Variants in ZBTB16 observed in about 807,000 individuals in gnomAD.
ZBTB16 encodes zinc finger and BTB domain containing 16, also known as zinc finger and BTB domain-containing protein 16.
In ZBTB16, 8 loss-of-function variants were observed where a neutral mutation model predicts 56.8. The ratio of observed to expected loss-of-function variants is 0.14; its 90% CI spans 0.08 to 0.25. The LOEUF (loss-of-function observed/expected upper bound fraction) is 0.25, where lower values mean the gene tolerates loss of function less well. Ranked by LOEUF, ZBTB16 falls within the 10% of genes least tolerant of loss-of-function variation. The pLI, the probability that ZBTB16 is intolerant of heterozygous loss-of-function variation, is 1.00. For synonymous variants in ZBTB16, 363 were observed against 368.5 expected (o/e 0.98, Z 0.17); for missense variants, 625 against 903.0 (o/e 0.69, Z 3.95).
intron 4 of ZBTB16, among the ~76,000 whole-genome samples, chr11:114,229,500 C>T (rs1460565304): frequency 6.6e-6 from 1 of 152,178 alleles, no homozygotes; most frequent in Non-Finnish European, 1.5e-5. Context: ...CTTTACGGTA[C>T]AGAAGTATAC....
chr11:114,221,140 C>G (rs1944222279), intron 4 of ZBTB16, among the ~76,000 whole-genome samples: 5 of 152,200 alleles, frequency 3.3e-5, no homozygotes, highest in Admixed American at 3.3e-4. Flanking sequence ...CCTTCAGAAC[C>G]CATTCAGCTT....
intron 2 of ZBTB16, among the ~76,000 whole-genome samples, chr11:114,071,651 A>G (rs913694749): frequency 1.3e-5 from 2 of 152,192 alleles, no homozygotes; most frequent in African/African-American, 4.8e-5. Context: ...AAGCCCAAGT[A>G]TATATGACTT....
chr11:114,145,654 G>GAGTGA (rs1206127376), intron 2 of ZBTB16, among the ~76,000 whole-genome samples: 1 of 152,206 alleles, frequency 6.6e-6, no homozygotes, highest in African/African-American at 2.4e-5. Flanking sequence ...GAGGAATGGA[G>GAGTGA]AGTGACTGCT....
At chr11:114,075,667 C>T (rs1052751099) in intron 2 of ZBTB16, among the ~76,000 whole-genome samples, 8 of 144,784 alleles carry the variant, frequency 5.5e-5, no homozygotes, top group African/African-American at 8.6e-5. Context: ...GATGGGGTTT[C>T]GCCATGTTGG....
chr11:114,201,433 G>A (rs1474845716), intron 4 of ZBTB16, among the ~76,000 whole-genome samples: 3 of 152,200 alleles, frequency 2.0e-5, no homozygotes, highest in Non-Finnish European at 4.4e-5. Flanking sequence ...ACCGACCGCC[G>A]TGGCAGTAGG....
intron 4 of ZBTB16, among the ~76,000 whole-genome samples, chr11:114,233,062 C>T (rs374747088): frequency 0.038 from 3,406 of 90,720 alleles, 195 homozygotes; most frequent in South Asian, 0.081. Flanking sequence ...ACTGCACATA[C>T]GCATGCGCGC....
At chr11:114,249,426 C>G (rs1029526818) in intron 6 of ZBTB16, among the ~76,000 whole-genome samples, 1 of 128,358 alleles carries the variant, frequency 7.8e-6, no homozygotes, top group African/African-American at 3.0e-5. Context: ...CCACTGCATT[C>G]CAGCCTGGGT....
chr11:114,139,995 C>G (rs944785012), intron 2 of ZBTB16, among the ~76,000 whole-genome samples: 1 of 152,192 alleles, frequency 6.6e-6, no homozygotes, highest in Non-Finnish European at 1.5e-5. Flanking sequence ...CTTCCGTCCT[C>G]GGTCAAGAAC....
intron 2 of ZBTB16, among the ~76,000 whole-genome samples, chr11:114,105,948 T>C (rs2137765981): frequency 6.6e-6 from 1 of 152,364 alleles, no homozygotes; most frequent in South Asian, 2.1e-4. Flanking sequence ...CTTTTATGTA[T>C]AAAAGATTGT....
At chr11:114,233,036 C>G (rs1944473509) in intron 4 of ZBTB16, among the ~76,000 whole-genome samples, 1 of 146,720 alleles carries the variant, frequency 6.8e-6, no homozygotes, top group Non-Finnish European at 1.5e-5. Context: ...AACTCATCCC[C>G]GGCCCCACCC....
chr11:114,244,622 T>G (rs1310493833), intron 5 of ZBTB16, among the ~76,000 whole-genome samples: 1 of 151,996 alleles, frequency 6.6e-6, no homozygotes, highest in Non-Finnish European at 1.5e-5. Flanking sequence ...TGTTGGTGAC[T>G]TTTTCTTTCT....
intron 2 of ZBTB16, among the ~76,000 whole-genome samples, chr11:114,095,652 G>A (rs1181141375): frequency 6.6e-6 from 1 of 152,108 alleles, no homozygotes. Flanking sequence ...TTCTTCACTC[G>A]CCCACTTTCT....
intron 2 of ZBTB16, among the ~76,000 whole-genome samples, chr11:114,121,258 G>A (rs929210462): frequency 6.6e-6 from 1 of 152,134 alleles, no homozygotes; most frequent in Non-Finnish European, 1.5e-5. Context: ...CAAGCTGCTG[G>A]TGTGGTCACT....
At chr11:114,084,581 C>G (rs2606725) in intron 2 of ZBTB16, among the ~76,000 whole-genome samples, 58,928 of 151,552 alleles carry the variant, frequency 0.39, 12,623 homozygotes, top group East Asian at 0.63. Context: ...AGCAGGTGAG[C>G]GGGTGGGGGT....
intron 2 of ZBTB16, among the ~76,000 whole-genome samples, chr11:114,150,687 T>C (rs900705046): frequency 1.3e-4 from 20 of 152,346 alleles, no homozygotes; most frequent in African/African-American, 4.8e-4. Flanking sequence ...GAAAGTGTGT[T>C]TTTGACTTAA....
intron 4 of ZBTB16, among the ~76,000 whole-genome samples, chr11:114,212,067 C>T (rs879496063): frequency 6.6e-6 from 1 of 152,026 alleles, no homozygotes; most frequent in Non-Finnish European, 1.5e-5. Context: ...GTCTTGCCGC[C>T]AGCCCACCTC....
intron 2 of ZBTB16, among the ~76,000 whole-genome samples, chr11:114,154,145 A>G (rs1942345056): frequency 6.6e-6 from 1 of 152,172 alleles, no homozygotes; most frequent in African/African-American, 2.4e-5. Flanking sequence ...ACCCTCATGG[A>G]GAAGAGATGG....
intron 3 of ZBTB16, among the ~76,000 whole-genome samples, chr11:114,159,745 T>C (rs1942524914): frequency 6.6e-6 from 1 of 152,146 alleles, no homozygotes; most frequent in African/African-American, 2.4e-5. Flanking sequence ...AGGTGATGTT[T>C]TAGAAGAGAC....
intron 4 of ZBTB16, among the ~76,000 whole-genome samples, chr11:114,194,943 G>A (rs1328803590): frequency 6.6e-6 from 1 of 152,236 alleles, no homozygotes; most frequent in African/African-American, 2.4e-5. Flanking sequence ...TGACCGATCA[G>A]TAATATAAAT....
Sources: gnomAD v4.1 joint callset for allele counts (sites outside exome capture counted in the v4.1 genomes callset) on GRCh38, gnomAD v4.1.1 for gene constraint, MANE v1.5 for transcripts, NCBI Gene and HGNC (gene_info 2026-07-23, HGNC 2026-07-21) for gene names.